Variants in CMSS1 observed in about 807,000 individuals in gnomAD.
CMSS1 encodes protein CMSS1.
Under a neutral mutation model 43.5 loss-of-function variants are expected in CMSS1, and 33 were observed. The ratio of observed to expected loss-of-function variants is 0.76; its 90% confidence interval spans 0.57 to 1.01. The LOEUF is 1.01. Among genes scored for constraint, CMSS1 ranks in the 50% least tolerant of loss-of-function variants. The probability of loss-of-function intolerance (pLI) is 0.00; values close to 1 mark genes in which losing one functional copy is unlikely to be tolerated. For missense variants in CMSS1, 313 were observed against 326.4 expected (o/e 0.96, Z 0.32); for synonymous variants, 115 against 117.2 (o/e 0.98, Z 0.12).
chr3:99,991,864 ATATATATACACACATATATGTATATATG>A (rs1307490504), intron 1 of CMSS1, among the ~76,000 whole-genome samples: 96 of 147,758 alleles, frequency 6.5e-4, no homozygotes, highest in African/African-American at 2.3e-3. Context: ...GTGTATGTGT[ATATATATACACACATATATGTATATATG>A]TGTGTATATA....
chr3:100,116,973 A>G (rs914044054), intron 1 of CMSS1, among the ~76,000 whole-genome samples: 6 of 152,222 alleles, frequency 3.9e-5, no homozygotes, highest in South Asian at 2.1e-4. Context: ...ACCATAAAGT[A>G]TCTGTATCTT....
Position 100,162,440 on chromosome 3 carries a change from C to G in CMSS1, c.355+8C>G. ...AAGAACTGAACCTGCCAGGTATAGC[C>G]AAGCTTCAATTTTCCTAAAGACAAG... On this transcript the variant is annotated splice_region_variant and intron_variant, in intron 4 of 9. Transcript: ENST00000421999. The G allele has an allele frequency of 1.2e-6, 2 of 1,605,722 alleles. No homozygotes were observed. The highest frequency in any genetic ancestry group is 8.5e-7 in the Non-Finnish European group (1 of 1,176,534).
chr3:99,870,710 A>T (rs181435706), intron 1 of CMSS1, among the ~76,000 whole-genome samples: 49 of 152,360 alleles, frequency 3.2e-4, no homozygotes, highest in African/African-American at 1.2e-3. Flanking sequence ...TTGACATTGG[A>T]GTAACTTTGA....
At chr3:99,984,653 C>T (rs1387338811) in intron 1 of CMSS1, among the ~76,000 whole-genome samples, 1 of 152,130 alleles carries the variant, frequency 6.6e-6, no homozygotes, top group Non-Finnish European at 1.5e-5. Flanking sequence ...GCCAAATCTA[C>T]CAAGCCTCCT....
chr3:99,897,777 A>T (rs1294408089), intron 1 of CMSS1, among the ~76,000 whole-genome samples: 4 of 152,148 alleles, frequency 2.6e-5, no homozygotes, highest in African/African-American at 9.7e-5. Flanking sequence ...TCCAGGATGG[A>T]TGATGGTGAT....
chr3:100,065,439 G>A (rs1483236988), intron 1 of CMSS1, among the ~76,000 whole-genome samples: 1 of 152,168 alleles, frequency 6.6e-6, no homozygotes, highest in Non-Finnish European at 1.5e-5. Flanking sequence ...CATTATGGCA[G>A]TCTAGATTCA....
chr3:100,091,007 C>T (rs1005504582), intron 1 of CMSS1, among the ~76,000 whole-genome samples: 3 of 152,278 alleles, frequency 2.0e-5, no homozygotes, highest in South Asian at 2.1e-4. Context: ...ACCTTAGGCC[C>T]GGGCACAGTG....
At chr3:99,922,506 C>T (rs1427861861) in intron 1 of CMSS1, among the ~76,000 whole-genome samples, 1 of 152,074 alleles carries the variant, frequency 6.6e-6, no homozygotes, top group Non-Finnish European at 1.5e-5. Flanking sequence ...GCCATGGATT[C>T]TCTGGCACTC....
intron 1 of CMSS1, among the ~76,000 whole-genome samples, chr3:99,924,862 T>G (rs1441798719): frequency 3.9e-5 from 6 of 152,344 alleles, no homozygotes; most frequent in African/African-American, 1.2e-4. Flanking sequence ...GTTTATTCTC[T>G]TGTTAATTGA....
intron 1 of CMSS1, chr3:99,848,446 G>A (rs761594087): frequency 1.5e-5 from 24 of 1,614,052 alleles, no homozygotes; most frequent in Non-Finnish European, 2.0e-5. Flanking sequence ...AGGTCTCACA[G>A]GGCTGGCTAC....
chr3:99,921,657 G>T (rs1489988516), intron 1 of CMSS1, among the ~76,000 whole-genome samples: 1 of 152,096 alleles, frequency 6.6e-6, no homozygotes, highest in Non-Finnish European at 1.5e-5. Context: ...CCTACTTCTT[G>T]TTAATGGCAT....
At chr3:100,079,069 T>C (rs1039235199) in intron 1 of CMSS1, among the ~76,000 whole-genome samples, 5 of 152,118 alleles carry the variant, frequency 3.3e-5, no homozygotes, top group African/African-American at 4.8e-5. Flanking sequence ...ACCTCTGCAA[T>C]AGCATTCAGC....
chr3:100,076,076 G>T (rs1389385220), intron 1 of CMSS1, among the ~76,000 whole-genome samples: 2 of 152,152 alleles, frequency 1.3e-5, no homozygotes, highest in Non-Finnish European at 2.9e-5. Flanking sequence ...GGGCAGGGCT[G>T]ATGCTTCCTG....
intron 1 of CMSS1, among the ~76,000 whole-genome samples, chr3:99,828,786 A>G (rs1199154875): frequency 6.6e-6 from 1 of 151,414 alleles, no homozygotes; most frequent in African/African-American, 2.4e-5. Context: ...ATCCCCTTCT[A>G]CTATTCTCTT....
At chr3:100,041,415 C>G (rs1161079747) in intron 1 of CMSS1, 1 of 152,108 alleles carries the variant, frequency 6.6e-6, no homozygotes, top group Non-Finnish European at 1.5e-5. Flanking sequence ...GTCTTTGTTC[C>G]TTTCCACACT....
chr3:100,158,997 G>T (rs77660184), intron 2 of CMSS1, among the ~76,000 whole-genome samples: 1 of 152,090 alleles, frequency 6.6e-6, no homozygotes, highest in Non-Finnish European at 1.5e-5. Context: ...ATCATATCCC[G>T]GCCTTTGCCT....
At chr3:100,062,656 T>C (rs1406596806) in intron 1 of CMSS1, among the ~76,000 whole-genome samples, 1 of 152,206 alleles carries the variant, frequency 6.6e-6, no homozygotes, top group Admixed American at 6.5e-5. Flanking sequence ...CTAAGCTGCA[T>C]ACTAATTTCA....
chr3:100,066,766 C>G (rs866692507), intron 1 of CMSS1, among the ~76,000 whole-genome samples: 1 of 94,522 alleles, frequency 1.1e-5, no homozygotes, highest in Non-Finnish European at 2.5e-5. Context: ...CTCCTGACCT[C>G]GTGATCCGCC....
At chr3:99,846,098 T>C (rs899517733) in intron 1 of CMSS1, among the ~76,000 whole-genome samples, 1 of 152,332 alleles carries the variant, frequency 6.6e-6, no homozygotes, top group East Asian at 1.9e-4. Flanking sequence ...TAGCCCAAAT[T>C]TGGCTCCCAA....
Sources: allele counts gnomAD v4.1 joint callset (sites outside exome capture counted in the v4.1 genomes callset), GRCh38; gene constraint gnomAD v4.1.1; transcripts MANE v1.5; gene names NCBI Gene and HGNC (gene_info 2026-07-23, HGNC 2026-07-21).